P4HA1: variants seen among roughly 807,000 people sequenced by gnomAD.
P4HA1 encodes prolyl 4-hydroxylase subunit alpha 1.
In P4HA1, 24 loss-of-function variants were observed where a neutral mutation model predicts 72.8. That is an observed-to-expected ratio of 0.33 (90% confidence interval 0.24 to 0.46). The LOEUF is 0.46. Among genes scored for constraint, P4HA1 ranks in the 20% least tolerant of loss-of-function variants. The pLI is 1.00. For synonymous variants in P4HA1, 201 were observed against 218.8 expected (o/e 0.92, Z 0.72); for missense variants, 446 against 640.6 (o/e 0.70, Z 3.28).
chr10:73,066,396 A>G (rs1276840795), intron 5 of P4HA1, among the ~76,000 whole-genome samples: 1 of 152,250 alleles, frequency 6.6e-6, no homozygotes, highest in Non-Finnish European at 1.5e-5. Flanking sequence ...AGGGTTAAAT[A>G]ATATTCAGGA....
At chr10:73,031,978 G>T (rs1363250098) in intron 9 of P4HA1, among the ~76,000 whole-genome samples, 1 of 151,978 alleles carries the variant, frequency 6.6e-6, no homozygotes, top group Admixed American at 6.6e-5. Flanking sequence ...AACAATCCTG[G>T]ATCAATCTCT....
chr10:73,090,465 T>C (rs1163868002), intron 1 of P4HA1, among the ~76,000 whole-genome samples: 1 of 152,340 alleles, frequency 6.6e-6, no homozygotes, highest in South Asian at 2.1e-4. Flanking sequence ...ATGGATATGT[T>C]CCTTATCTTG....
rs186242226 is a variant in P4HA1 at position 73,070,793 on chromosome 10, G to T, written c.325+1236C>A. 9.5e-4 allele frequency among the ~76,000 whole-genome samples: 145 copies of T among 152,200 alleles called. 1 individual carries two copies. The Middle Eastern group carries it at 0.017, about 18-fold the overall frequency. Reference sequence around the variant, plus strand: ...ATACTCTCTCATAGCATTATAGAATGACTACTACAGATTAAAACAACAAAG... The same window carrying T: ...ATACTCTCTCATAGCATTATAGAATTACTACTACAGATTAAAACAACAAAG... On this transcript the variant is annotated intron_variant, in intron 4 of 14. Coordinates refer to ENST00000394890, the MANE Select transcript of P4HA1 (RefSeq NM_001017962.3).
At position 73,047,320 on chromosome 10, in the gene P4HA1, G is replaced by C. The variant is rs112269915; in HGVS notation, c.901-219C>G. The stretch of plus-strand genomic sequence containing the variant: ...ATTATTTTCTGGGTGAGAGAGGCGA[G>C]GTCTTAAATAAGGAGAAAGGTAGTG... On this transcript the variant is annotated intron_variant, in intron 7 of 14. Coordinates refer to ENST00000394890, the MANE Select transcript of P4HA1 (RefSeq NM_001017962.3). Among the ~76,000 whole-genome samples, 23 of 151,768 alleles carry C rather than the reference G, an allele frequency of 1.5e-4. 1 individual carries two copies. The highest frequency in any genetic ancestry group is 5.3e-4 in the African/African-American group (22 of 41,396).
intron 9 of P4HA1, among the ~76,000 whole-genome samples, chr10:73,033,587 C>T (rs1840491870): frequency 6.6e-6 from 1 of 152,196 alleles, no homozygotes; most frequent in Admixed American, 6.5e-5. Flanking sequence ...CAAATTACCA[C>T]TCCAGTCTTT....
intron 3 of P4HA1, among the ~76,000 whole-genome samples, chr10:73,072,857 T>C (rs1355587188): frequency 1.3e-5 from 2 of 152,086 alleles, no homozygotes; most frequent in South Asian, 2.1e-4. Context: ...GGATAGAAGA[T>C]ATTAGCAATA....
intron 5 of P4HA1, 62 bp from the exon 6 acceptor site, chr10:73,053,652 C>A: frequency 7.1e-7 from 1 of 1,417,342 alleles, no homozygotes; most frequent in South Asian, 1.2e-5. Flanking sequence ...TTATTTAGGA[C>A]TACACAGCTT....
intron 5 of P4HA1, among the ~76,000 whole-genome samples, chr10:73,056,406 C>T (rs1258903966): frequency 2.6e-5 from 4 of 151,998 alleles, no homozygotes; most frequent in African/African-American, 9.6e-5. Flanking sequence ...CCGAGGCAGG[C>T]GGATCACCTG....
chr10:73,026,628 C>A (rs1564621706), intron 10 of P4HA1, among the ~76,000 whole-genome samples: 1 of 152,186 alleles, frequency 6.6e-6, no homozygotes, highest in South Asian at 2.1e-4. Context: ...AACTAAAGAG[C>A]TTCTGCATGG....
At chr10:73,095,421 T>C (rs1343123720) in intron 1 of P4HA1, among the ~76,000 whole-genome samples, 3 of 151,396 alleles carry the variant, frequency 2.0e-5, no homozygotes, top group Admixed American at 6.6e-5. Flanking sequence ...GTTCCTGCTA[T>C]GCAGACTGAA....
rs767552237 is a variant in P4HA1, at chr10:73,051,059, G to A, written c.894C>T (p.Ile298=). ...ATTGGCTTTTCCACTTTACCATTTTGATACCCTCCCCACGGCACAGCATTT... is the reference window on the plus strand; with the variant it reads ...ATTGGCTTTTCCACTTTACCATTTTAATACCCTCCCCACGGCACAGCATTT... The part of the protein sequence containing the change: ...KYEMLCRGEG[I]KMTPRRQKKL... The change falls in exon 7 of 15, where the codon ATC becomes ATT. Residue 298 remains isoleucine, a synonymous_variant. Coordinates refer to ENST00000394890, the MANE Select transcript of P4HA1 (RefSeq NM_001017962.3). 1.2e-6 allele frequency: 2 copies of A among 1,612,514 alleles called. No homozygotes were observed. The highest frequency in any genetic ancestry group is 2.2e-5 in the South Asian group (2 of 90,966).
chr10:73,008,643 G>A (rs971317242), intron 14 of P4HA1, among the ~76,000 whole-genome samples: 1 of 152,072 alleles, frequency 6.6e-6, no homozygotes, highest in African/African-American at 2.4e-5. Context: ...GTAGAATATT[G>A]CTTTATGTAT....
At chr10:73,031,772 G>A (rs991809608) in intron 9 of P4HA1, among the ~76,000 whole-genome samples, 2 of 152,186 alleles carry the variant, frequency 1.3e-5, no homozygotes, top group Middle Eastern at 6.8e-3. Context: ...CTTTAAAAGC[G>A]TGAATTTTAT....
chr10:73,091,171 AAAATAAAT>A (rs141974264), intron 1 of P4HA1, among the ~76,000 whole-genome samples: 15,458 of 151,098 alleles, frequency 0.1, 1,147 homozygotes, highest in East Asian at 0.3. Flanking sequence ...GTTTACCAAA[AAAATAAAT>A]AAATAAATAA....
chr10:73,089,710 T>TA (rs10700344), intron 1 of P4HA1, among the ~76,000 whole-genome samples: 11,210 of 95,784 alleles, frequency 0.12, 665 homozygotes, highest in East Asian at 0.29. Flanking sequence ...TTCCCCGTGC[T>TA]AAAAAAAAAA....
intron 1 of P4HA1, among the ~76,000 whole-genome samples, chr10:73,094,055 T>C (rs1842112191): frequency 6.6e-6 from 1 of 151,400 alleles, no homozygotes; most frequent in African/African-American, 2.4e-5. Flanking sequence ...CAAGAGCCTA[T>C]GCAATTTATT....
chr10:73,059,418 T>A (rs1589610396), intron 5 of P4HA1, among the ~76,000 whole-genome samples: 1 of 38,206 alleles, frequency 2.6e-5, no homozygotes, highest in African/African-American at 1.1e-4. Context: ...AATGAGACAA[T>A]ATATTTAAAA....
chr10:73,023,560 C>T (rs1005653345), intron 10 of P4HA1, among the ~76,000 whole-genome samples: 10 of 152,056 alleles, frequency 6.6e-5, no homozygotes, highest in African/African-American at 2.4e-4. Flanking sequence ...TTATAAAGAC[C>T]ATCGATGCTA....
At chr10:73,046,896 T>C (rs567978010) in intron 8 of P4HA1, 29 bp downstream of exon 8, 5 of 1,487,538 alleles carry the variant, frequency 3.4e-6, no homozygotes, top group African/African-American at 2.8e-5. Flanking sequence ...TACAGTAAAT[T>C]GAGGAGAAAG....
Sources: allele counts gnomAD v4.1 joint callset (sites outside exome capture counted in the v4.1 genomes callset), GRCh38; gene constraint gnomAD v4.1.1; transcripts MANE v1.5; gene names NCBI Gene and HGNC (gene_info 2026-07-23, HGNC 2026-07-21).